SEMA6B: variants seen among roughly 807,000 people sequenced by gnomAD.
The protein encoded by SEMA6B is semaphorin 6B, also known as semaphorin-6B.
Under a neutral mutation model 78.6 loss-of-function variants are expected in SEMA6B, and 47 were observed. That is an observed-to-expected ratio of 0.60 (90% CI 0.47 to 0.76). The LOEUF is 0.76. Ranked by LOEUF, SEMA6B falls within the 30% of genes least tolerant of loss-of-function variation. The probability of loss-of-function intolerance (pLI) is 0.00; values close to 1 mark genes in which losing one functional copy is unlikely to be tolerated. For synonymous variants in SEMA6B, 632 were observed against 592.2 expected (o/e 1.07, Z -0.98); for missense variants, 1,213 against 1,269.9 (o/e 0.96, Z 0.68).
intron 9 of SEMA6B, 48 bp downstream of exon 9, chr19:4,554,340 C>T (rs202145326): frequency 1.9e-5 from 27 of 1,448,236 alleles, no homozygotes; most frequent in Middle Eastern, 3.5e-4. Context: ...CCCCTCACTT[C>T]GCATGATCAG....
intron 1 of SEMA6B, among the ~76,000 whole-genome samples, chr19:4,559,269 C>T (rs1346994907): frequency 1.3e-5 from 2 of 151,824 alleles, no homozygotes; most frequent in Non-Finnish European, 2.9e-5. Context: ...TTCCCCATGC[C>T]AAGGGCCTCT....
At chr19:4,548,474 C>G in intron 12 of SEMA6B, 29 bp from the exon 13 acceptor site, 1 of 1,594,896 alleles carries the variant, frequency 6.3e-7, no homozygotes, top group Non-Finnish European at 8.6e-7. Flanking sequence ...GAGGGTCAGG[C>G]TGGCCCCATA....
In SEMA6B at chr19:4,556,080, G is replaced by T; in HGVS notation, c.379C>A (p.Arg127=). ...RMKGKQEGEC[R]NFVKVLLLRD... ...AGGAGCAGCACCTTTACGAAGTTTC[G>T]ACACTCGCCCTGAGGTGGGGACAGG... is the stretch of plus-strand genomic sequence containing the variant. Residue 127 remains arginine, a synonymous_variant, in exon 6 of 17, where the codon CGA becomes AGA. Transcript: ENST00000586582. 8 of 1,613,502 alleles carry T rather than the reference G, an allele frequency of 5.0e-6. No homozygotes were observed. The highest frequency in any genetic ancestry group is 2.7e-5 in the African/African-American group (2 of 75,016).
In SEMA6B at chr19:4,546,162, C is replaced by A. The variant is rs564998144; in HGVS notation, c.1738+54G>T. On this transcript the variant is annotated intron_variant, in intron 16 of 16. Coordinates refer to ENST00000586582, the MANE Select transcript of SEMA6B (RefSeq NM_032108.4). ...AGGGTCCTCCAGCCTCCTCCCTCCC[C>A]TCCCCCATGGTAGTGGGGGATGGGG... 1.4e-3 allele frequency: 2,135 copies of A among 1,491,842 alleles called. 3 individuals carry two copies. Among genetic ancestry groups the A allele is most frequent in the Admixed American group, 1.8e-3 (90 of 49,036 alleles). 92.4% of individuals were successfully genotyped at this position (1,491,842 alleles called of 1,614,324 possible).
In SEMA6B at chr19:4,550,369, AG is replaced by A. The variant is rs199661996; in HGVS notation, c.1122-98del. ...CCCATTGCTTTGCCCAACGACCCTCAGGTTTTTTGTTTGTTTTGTTTTTGAG... is the reference window on the plus strand; with the variant it reads ...CCCATTGCTTTGCCCAACGACCCTCAGTTTTTTGTTTGTTTTGTTTTTGAG... On this transcript the variant is annotated intron_variant, in intron 11 of 16. Transcript: ENST00000586582. The surrounding 1 kb of genome is among the most constrained non-coding windows in gnomAD (Gnocchi z 6.6). The A allele has an allele frequency of 2.7e-4, 343 of 1,266,602 alleles. 1 individual carries two copies. Among genetic ancestry groups the A allele is most frequent in the Non-Finnish European group, 3.1e-4 (285 of 915,726 alleles). 78.5% of individuals were successfully genotyped at this position (1,266,602 alleles called of 1,614,324 possible). A position where few individuals can be genotyped will look rare whatever the true frequency, so the allele number is the denominator to read the frequency against.
Position 4,544,057 on chromosome 19 carries a change from G to A in SEMA6B, c.2211C>T (p.His737=), listed in dbSNP as rs1170221255. 1.6e-6 allele frequency: 2 copies of A among 1,228,458 alleles called. No individual in the cohort carries two copies. The highest frequency in any genetic ancestry group is 3.4e-5 in the South Asian group (1 of 29,520). The allele number at this position is 1,228,458 out of a possible 1,614,324, so 76.1% of individuals were successfully genotyped here. Residue 737 remains histidine, a synonymous_variant, in exon 17 of 17, where the codon CAC becomes CAT. Coordinates refer to ENST00000586582, the MANE Select transcript of SEMA6B (RefSeq NM_032108.4). The surrounding 1 kb of genome is among the most constrained non-coding windows in gnomAD (Gnocchi z 5.1). ...PHALGPRAWD[H]GHPLLPASAS... ...CGGAGGCCGGGAGCAGGGGGTGGCC[G>A]TGGTCCCAGGCGCGGGGGCCCAGGG...
In SEMA6B at chr19:4,548,434, G is replaced by C. The variant is rs1977231844; in HGVS notation, c.1283C>G (p.Thr428Ser). 2 of 1,611,900 alleles carry C rather than the reference G, an allele frequency of 1.2e-6. No homozygotes were observed. Among genetic ancestry groups the C allele is most frequent in the Non-Finnish European group, 1.7e-6 (2 of 1,179,292 alleles). ...GGCTCCCACGTCCACAGCCACTCGA[G>C]TCAGCTGGTGCCTGGGGGACAGGGC... is the stretch of plus-strand genomic sequence containing the variant. The part of the protein sequence containing the change: ...ILRTLMRHQL[T>S]RVAVDVGAGP... Residue 428 changes from threonine (T) to serine (S), a missense_variant, in exon 13 of 17, where the codon ACT becomes AGT. By Grantham distance (58) the Thr-to-Ser change is moderately conservative. Coordinates refer to ENST00000586582, the MANE Select transcript of SEMA6B (RefSeq NM_032108.4).
Position 4,546,463 on chromosome 19 carries a change from A to T in SEMA6B, c.1608T>A (p.Cys536Ter). 6.4e-7 allele frequency: 1 copy of T among 1,563,530 alleles called. No individual in the cohort carries two copies. Among genetic ancestry groups the T allele is most frequent in the Non-Finnish European group, 8.7e-7 (1 of 1,153,332 alleles). Residue 536 changes from cysteine (C) to a stop codon, truncating the protein, a stop_gained, in exon 15 of 17, where the codon TGT becomes TGA. Transcript: ENST00000586582. LOFTEE classifies it high-confidence loss of function. Reference protein sequence around the residue: ...CQQYSGCMKNCIGSQDPYCGW... With the variant: ...CQQYSGCMKN ...CGCAGTAGGGGTCCTGACTGCCGAT[A>T]CAGTTCCTAGAGCAGACCAGGGACC... is the stretch of plus-strand genomic sequence containing the variant.
chr19:4,555,003 C>T lies in SEMA6B; in HGVS notation c.655G>A (p.Val219Met), dbSNP rs367818275. 1.2e-5 allele frequency: 19 copies of T among 1,613,904 alleles called. No individual in the cohort carries two copies. Among genetic ancestry groups the T allele is most frequent in the Non-Finnish European group, 1.4e-5 (16 of 1,180,002 alleles). The change falls in exon 8 of 17, where the codon GTG becomes ATG. Residue 219 changes from valine (V) to methionine (M), a missense_variant. By Grantham distance (21) the Val-to-Met change is conservative. Coordinates refer to ENST00000586582, the MANE Select transcript of SEMA6B (RefSeq NM_032108.4). The surrounding 1 kb of genome is among the most constrained non-coding windows in gnomAD (Gnocchi z 6.1). ...TTGAACCACTTGGAGTCATGTTTCACGGTGCGCAGGGTGGGCCTGTCCCCG... is the reference window on the plus strand; with the variant it reads ...TTGAACCACTTGGAGTCATGTTTCATGGTGCGCAGGGTGGGCCTGTCCCCG... ...SLGDRPTLRT[V>M]KHDSKWFKEP...
intron 8 of SEMA6B, among the ~76,000 whole-genome samples, 181 bp from the exon 9 acceptor site, chr19:4,554,657 GTC>G (rs1270868823): frequency 6.6e-6 from 1 of 152,182 alleles, no homozygotes; most frequent in Admixed American, 6.5e-5. Context: ...AAATCGCTGT[GTC>G]TCTTGCTGCA....
chr19:4,550,382 GT>G lies in SEMA6B; in HGVS notation c.1122-111del, dbSNP rs1160561025. 2.2e-5 allele frequency: 28 copies of G among 1,273,092 alleles called. No homozygotes were observed. In the African/African-American group the frequency reaches 2.8e-4, roughly 13 times the overall value. The allele number at this position is 1,273,092 out of a possible 1,614,324, so 78.9% of individuals were successfully genotyped here. A position where few individuals can be genotyped will look rare whatever the true frequency, so the allele number is the denominator to read the frequency against. ...CCAACGACCCTCAGGTTTTTTGTTT[GT>G]TTTGTTTTTGAGACAGAGTCTCAAT... On this transcript the variant is annotated intron_variant, in intron 11 of 16. Transcript: ENST00000586582. The surrounding 1 kb of genome is among the most constrained non-coding windows in gnomAD (Gnocchi z 6.6).
In SEMA6B at chr19:4,542,767, G is replaced by A. The variant is rs778850977; in HGVS notation, c.*834C>T. 4 of 700,604 alleles carry A rather than the reference G, an allele frequency of 5.7e-6. No homozygotes were observed. Among genetic ancestry groups the A allele is most frequent in the South Asian group, 4.5e-5 (3 of 66,716 alleles). The allele number at this position is 700,604 out of a possible 1,614,324, so 43.4% of individuals were successfully genotyped here. A position where few individuals can be genotyped will look rare whatever the true frequency, so the allele number is the denominator to read the frequency against. On this transcript the variant is annotated 3_prime_UTR_variant, in exon 17 of 17. Coordinates refer to ENST00000586582, the MANE Select transcript of SEMA6B (RefSeq NM_032108.4). Reference sequence around the variant, plus strand: ...TCACCACCCTGGGGCCGTATTTACAGAGGGGCCCCACCCACCTTCGCCGCC... The same window carrying A: ...TCACCACCCTGGGGCCGTATTTACAAAGGGGCCCCACCCACCTTCGCCGCC...
Position 4,558,223 on chromosome 19 carries a change from T to C in SEMA6B, c.122-74A>G. The stretch of plus-strand genomic sequence containing the variant: ...GAGGGTGGCCTGAGGTCATGCCCCT[T>C]CTAGGGGTGGCTCCTGGACTGCTTG... On this transcript the variant is annotated intron_variant, in intron 2 of 16. Coordinates refer to ENST00000586582, the MANE Select transcript of SEMA6B (RefSeq NM_032108.4). This position sits in a 1 kb window ranked among gnomAD's most constrained non-coding sequence, Gnocchi z 5.1. 7.4e-7 allele frequency: 1 copy of C among 1,343,198 alleles called. No individual in the cohort carries two copies. The highest frequency in any genetic ancestry group is 9.7e-7 in the Non-Finnish European group (1 of 1,034,878). 83.2% of individuals were successfully genotyped at this position (1,343,198 alleles called of 1,614,324 possible).
At position 4,552,662 on chromosome 19, in the gene SEMA6B, G is replaced by A. The variant is rs45475097; in HGVS notation, c.772-23C>T. The A allele has an allele frequency of 0.019, 29,926 of 1,573,560 alleles. 312 individuals are homozygous for A. The highest frequency in any genetic ancestry group is 0.021 in the Non-Finnish European group (24,814 of 1,156,308). ...CACCTGGGCGTGACAGTGGACGGAC[G>A]GGGGCCTGAGCTCTGTGTCCCAGGA... is the stretch of plus-strand genomic sequence containing the variant. On this transcript the variant is annotated intron_variant, in intron 9 of 16. Transcript: ENST00000586582. The surrounding 1 kb of genome is among the most constrained non-coding windows in gnomAD (Gnocchi z 7.4).
intron 14 of SEMA6B, among the ~76,000 whole-genome samples, chr19:4,547,190 C>T (rs1399501207): frequency 1.3e-5 from 2 of 151,678 alleles, no homozygotes; most frequent in Non-Finnish European, 2.9e-5. Flanking sequence ...AGGCTGGTCT[C>T]GAACTCCTCG....
chr19:4,550,375 T>C lies in SEMA6B; in HGVS notation c.1122-103A>G. 8.2e-7 allele frequency: 1 copy of C among 1,219,478 alleles called. No homozygotes were observed. Among genetic ancestry groups the C allele is most frequent in the South Asian group, 1.3e-5 (1 of 74,752 alleles). The allele number at this position is 1,219,478 out of a possible 1,614,324, so 75.5% of individuals were successfully genotyped here. On this transcript the variant is annotated intron_variant, in intron 11 of 16. Coordinates refer to ENST00000586582, the MANE Select transcript of SEMA6B (RefSeq NM_032108.4). This position sits in a 1 kb window ranked among gnomAD's most constrained non-coding sequence, Gnocchi z 6.6. Reference sequence around the variant, plus strand: ...GCTTTGCCCAACGACCCTCAGGTTTTTTGTTTGTTTTGTTTTTGAGACAGA... The same window carrying C: ...GCTTTGCCCAACGACCCTCAGGTTTCTTGTTTGTTTTGTTTTTGAGACAGA...
chr19:4,550,106 G>A lies in SEMA6B; in HGVS notation c.1271+17C>T, dbSNP rs765128641. The A allele has an allele frequency of 1.9e-6, 3 of 1,612,284 alleles. No individual in the cohort carries two copies. Among genetic ancestry groups the A allele is most frequent in the Non-Finnish European group, 2.5e-6 (3 of 1,179,080 alleles). On this transcript the variant is annotated intron_variant, in intron 12 of 16. Coordinates refer to ENST00000586582, the MANE Select transcript of SEMA6B (RefSeq NM_032108.4). This position sits in a 1 kb window ranked among gnomAD's most constrained non-coding sequence, Gnocchi z 6.6. ...ATCCTGTCTCCCCTCGCCATGCCCT[G>A]CCTCTCCAGGACCGACCTCATCAGG...
chr19:4,550,374 T>C lies in SEMA6B; in HGVS notation c.1122-102A>G. On this transcript the variant is annotated intron_variant, in intron 11 of 16. Coordinates refer to ENST00000586582, the MANE Select transcript of SEMA6B (RefSeq NM_032108.4). The surrounding 1 kb of genome is among the most constrained non-coding windows in gnomAD (Gnocchi z 6.6). ...TGCTTTGCCCAACGACCCTCAGGTTTTTTGTTTGTTTTGTTTTTGAGACAG... is the reference window on the plus strand; with the variant it reads ...TGCTTTGCCCAACGACCCTCAGGTTCTTTGTTTGTTTTGTTTTTGAGACAG... The C allele has an allele frequency of 4.0e-6, 5 of 1,245,836 alleles. No homozygotes were observed. The highest frequency in any genetic ancestry group is 2.7e-5 in the South Asian group (2 of 74,536). 77.2% of individuals were successfully genotyped at this position (1,245,836 alleles called of 1,614,324 possible).
At position 4,543,737 on chromosome 19, in the gene SEMA6B, C is replaced by T. The variant is rs1812580074; in HGVS notation, c.2531G>A (p.Arg844His). The change falls in exon 17 of 17, where the codon CGC becomes CAC. Residue 844 changes from arginine to histidine, a missense_variant. By Grantham distance (29) the Arg-to-His change is conservative. Transcript: ENST00000586582. The stretch of plus-strand genomic sequence containing the variant: ...GCCGCTGTTGAACGTGTGGGTGCGG[C>T]GCAGGGTGGCGGCCGGAGGGGCGTG... ...GPHAPPAATLRRTHTFNSGEA... is the reference protein window; with the variant it reads ...GPHAPPAATLHRTHTFNSGEA... 2.4e-5 allele frequency: 29 copies of T among 1,227,652 alleles called. No homozygotes were observed. Among genetic ancestry groups the T allele is most frequent in the South Asian group, 4.1e-5 (1 of 24,294 alleles). The allele number at this position is 1,227,652 out of a possible 1,614,324, so 76.0% of individuals were successfully genotyped here.
Sources: gnomAD v4.1 joint callset for allele counts (sites outside exome capture counted in the v4.1 genomes callset) on GRCh38, gnomAD v4.1.1 for gene constraint, Gnocchi (gnomAD v3.1) non-coding constraint, MANE v1.5 for transcripts, NCBI Gene and HGNC (gene_info 2026-07-23, HGNC 2026-07-21) for gene names.